Variants in DDC observed in about 807,000 individuals in gnomAD.
DDC encodes the protein aromatic-L-amino-acid decarboxylase.
A neutral mutation model predicts 60.0 loss-of-function variants in DDC; 43 were observed. The ratio of observed to expected loss-of-function variants is 0.72; its 90% CI spans 0.56 to 0.92. DDC has a LOEUF of 0.92. Ranked by LOEUF, DDC falls within the 40% of genes least tolerant of loss-of-function variation. DDC has a pLI of 0.00. For synonymous variants in DDC, 232 were observed against 234.6 expected (o/e 0.99, Z 0.10); for missense variants, 573 against 620.2 (o/e 0.92, Z 0.81).
intron 6 of DDC, among the ~76,000 whole-genome samples, chr7:50,524,611 G>T (rs1184633009): frequency 1.3e-5 from 2 of 152,120 alleles, no homozygotes; most frequent in Non-Finnish European, 2.9e-5. Flanking sequence ...TTAGGACCAT[G>T]ATAACATATT....
intron 13 of DDC, among the ~76,000 whole-genome samples, chr7:50,466,508 A>C (rs1475242618): frequency 1.4e-5 from 2 of 145,636 alleles, no homozygotes; most frequent in East Asian, 1.9e-4. Context: ...AAAAAAAAAA[A>C]AAAAAAAAAC....
chr7:50,498,129 T>C (rs2167364), intron 8 of DDC, among the ~76,000 whole-genome samples: 45,137 of 152,140 alleles, frequency 0.3, 6,958 homozygotes, highest in South Asian at 0.32. Flanking sequence ...ACTCATCTAC[T>C]CCTGGCGACA....
At chr7:50,558,834 G>A (rs2153554408) in intron 1 of DDC, among the ~76,000 whole-genome samples, 1 of 152,324 alleles carries the variant, frequency 6.6e-6, no homozygotes, top group Non-Finnish European at 1.5e-5. Flanking sequence ...GGAAGGTGGT[G>A]CCTGCAACCC....
intron 9 of DDC, among the ~76,000 whole-genome samples, chr7:50,487,526 T>A (rs2042911834): frequency 1.3e-5 from 2 of 152,112 alleles, no homozygotes; most frequent in Non-Finnish European, 2.9e-5. Context: ...TTTTGTAAAC[T>A]GATGAGTCTG....
intron 6 of DDC, among the ~76,000 whole-genome samples, chr7:50,518,800 T>G (rs2043809839): frequency 6.6e-6 from 1 of 152,144 alleles, no homozygotes; most frequent in East Asian, 1.9e-4. Context: ...AAGATAACAT[T>G]GGAAAAACCC....
intron 1 of DDC, among the ~76,000 whole-genome samples, chr7:50,550,096 G>C (rs58537381): frequency 0.049 from 7,526 of 152,230 alleles, 262 homozygotes; most frequent in African/African-American, 0.099. Context: ...TGCTACAGAG[G>C]CATCCTTCAT....
At chr7:50,473,413 G>T (rs1487570703) in intron 11 of DDC, among the ~76,000 whole-genome samples, 1 of 152,116 alleles carries the variant, frequency 6.6e-6, no homozygotes, top group Admixed American at 6.5e-5. Context: ...TAATGCCTGT[G>T]CTTCGCATTT....
At chr7:50,539,844 A>C in intron 3 of DDC, 71 bp downstream of exon 3, 1 of 1,141,360 alleles carries the variant, frequency 8.8e-7, no homozygotes. Flanking sequence ...CCTTGTGCAT[A>C]GGTACCGTGT....
intron 14 of DDC, among the ~76,000 whole-genome samples, chr7:50,461,467 A>T (rs1027978032): frequency 6.6e-6 from 1 of 152,230 alleles, no homozygotes; most frequent in Non-Finnish European, 1.5e-5. Flanking sequence ...TTTCATTTTT[A>T]CCTTTTGAAT....
Position 50,479,665 on chromosome 7 carries a change from G to T in DDC, c.1021+122C>A, listed in dbSNP as rs115760747. 9.9e-4 allele frequency: 888 copies of T among 898,196 alleles called. 9 individuals carry two copies. In the African/African-American group the frequency reaches 0.013, roughly 14 times the overall value. 55.6% of individuals were successfully genotyped at this position (898,196 alleles called of 1,614,324 possible). A position where few individuals can be genotyped will look rare whatever the true frequency, so the allele number is the denominator to read the frequency against. On this transcript the variant is annotated intron_variant, in intron 10 of 14. Coordinates refer to ENST00000444124, the MANE Select transcript of DDC (RefSeq NM_001082971.2). ...CAAATCCAGGAATGCACAGCACCCC[G>T]TCTTCTCTGTGAAAGCCTCCTTGGA... is the stretch of plus-strand genomic sequence containing the variant.
In DDC at chr7:50,540,091, G is replaced by A. The variant is rs2044572973; in HGVS notation, c.202-63C>T. 3 of 1,309,656 alleles carry A rather than the reference G, an allele frequency of 2.3e-6. No homozygotes were observed. In the South Asian group the frequency reaches 3.7e-5, roughly 16 times the overall value. 81.1% of individuals were successfully genotyped at this position (1,309,656 alleles called of 1,614,324 possible). On this transcript the variant is annotated intron_variant, in intron 2 of 14. Transcript: ENST00000444124. The stretch of plus-strand genomic sequence containing the variant: ...AAAGCCAGGCCTCAAGAGAGCGGGG[G>A]ACCCAGGTACCCCCATGGCTCCCAG...
intron 4 of DDC, among the ~76,000 whole-genome samples, chr7:50,530,848 T>A (rs1563032231): frequency 6.6e-6 from 1 of 152,238 alleles, no homozygotes; most frequent in Non-Finnish European, 1.5e-5. Context: ...GAGAAATATA[T>A]AATAAAATAA....
chr7:50,470,158 G>C lies in DDC; in HGVS notation c.1055C>G (p.Pro352Arg). The change falls in exon 12 of 15, where the codon CCA becomes CGA. Residue 352 changes from proline (P) to arginine (R), a missense_variant. By Grantham distance (103) the Pro-to-Arg change is moderately radical. Coordinates refer to ENST00000444124, the MANE Select transcript of DDC (RefSeq NM_001082971.2). ...CAAAGAGCGAAATCTTCTGCCCAGT[G>C]GTATCTGCCAATGCTGAAATGAAAC... ...LITDYRHWQI[P>R]LGRRFRSLKM... The C allele has an allele frequency of 1.2e-6, 2 of 1,610,670 alleles. No homozygotes were observed. Among genetic ancestry groups the C allele is most frequent in the Non-Finnish European group, 1.7e-6 (2 of 1,176,994 alleles).
At chr7:50,493,747 T>TG (rs1243091181) in intron 9 of DDC, among the ~76,000 whole-genome samples, 1 of 152,010 alleles carries the variant, frequency 6.6e-6, no homozygotes, top group East Asian at 1.9e-4. Flanking sequence ...AGCAGAAGTT[T>TG]GGGGAAAAAG....
At chr7:50,537,794 C>T in intron 4 of DDC, 66 bp downstream of exon 4, 1 of 1,606,820 alleles carries the variant, frequency 6.2e-7, no homozygotes, top group Non-Finnish European at 8.5e-7. Context: ...TCTTTCCCCA[C>T]CTGCGGCTAC....
intron 1 of DDC, chr7:50,564,161 G>A (rs1417329157): frequency 6.6e-6 from 1 of 152,172 alleles, no homozygotes; most frequent in African/African-American, 2.4e-5. Flanking sequence ...CATGTCCCTG[G>A]TTTCAAAAAT....
chr7:50,561,434 G>A (rs1258229872), intron 1 of DDC, among the ~76,000 whole-genome samples: 1 of 152,116 alleles, frequency 6.6e-6, no homozygotes, highest in African/African-American at 2.4e-5. Flanking sequence ...CTCACTCTGG[G>A]TCTGCTCCTT....
At chr7:50,463,170 C>T (rs970538874) in intron 14 of DDC, 43 bp downstream of exon 14, 18 of 1,509,132 alleles carry the variant, frequency 1.2e-5, no homozygotes, top group Admixed American at 1.2e-4. Context: ...ACTCTTGCCA[C>T]GGGACAAGGA....
At chr7:50,547,414 G>T (rs779443556) in intron 1 of DDC, among the ~76,000 whole-genome samples, 5 of 151,770 alleles carry the variant, frequency 3.3e-5, no homozygotes, top group Non-Finnish European at 7.4e-5. Flanking sequence ...ACAGGATTTC[G>T]CCATGTTGGT....
Sources: gnomAD v4.1 joint callset for allele counts (sites outside exome capture counted in the v4.1 genomes callset) on GRCh38, gnomAD v4.1.1 for gene constraint, MANE v1.5 for transcripts, NCBI Gene and HGNC (gene_info 2026-07-23, HGNC 2026-07-21) for gene names.